RTL4: variants seen among roughly 807,000 people sequenced by gnomAD.
The protein encoded by RTL4 is retrotransposon Gag like 4.
In RTL4, 4 loss-of-function variants were observed where a neutral mutation model predicts 5.3. The ratio of observed to expected loss-of-function variants is 0.75; its 90% CI spans 0.37 to 1.72. RTL4 has a LOEUF of 1.72. RTL4 is among the 40% of genes most tolerant of loss of function. The pLI is 0.04. For synonymous variants in RTL4, 98 were observed against 87.3 expected, an observed-to-expected ratio of 1.12 and a Z score of -0.68; for missense variants, 260 against 227.1, an observed-to-expected ratio of 1.14 and a Z score of -0.93.
the RTL4 span, among the ~76,000 whole-genome samples, chrX:112,278,644 A>G: frequency 1.8e-5 from 2 of 111,657 alleles, no homozygotes; most frequent in Non-Finnish European, 3.8e-5. Flanking sequence ...TCAGTCAACA[A>G]TCCCATTCAT....
the RTL4 span, among the ~76,000 whole-genome samples, chrX:112,435,445 G>C: frequency 8.9e-6 from 1 of 112,224 alleles, no homozygotes; most frequent in Non-Finnish European, 1.9e-5. Flanking sequence ...ATCTTCTTGA[G>C]AGTTCTAAAA....
chrX:112,178,628 A>T, the RTL4 span, among the ~76,000 whole-genome samples: 1 of 111,630 alleles, frequency 9.0e-6, no homozygotes, highest in Non-Finnish European at 1.9e-5. Flanking sequence ...TCCCATCCTC[A>T]TCTCTTCTGT....
chrX:112,120,508 C>T, the RTL4 span, among the ~76,000 whole-genome samples: 1 of 109,663 alleles, frequency 9.1e-6, no homozygotes, highest in African/African-American at 3.3e-5. Flanking sequence ...GATCTCCTGA[C>T]CTCGTGATCT....
chrX:112,376,562 C>A, the RTL4 span, among the ~76,000 whole-genome samples: 1 of 112,114 alleles, frequency 8.9e-6, no homozygotes, highest in Non-Finnish European at 1.9e-5. Context: ...TCCTTTAAGA[C>A]CTTAAGGATG....
the RTL4 span, among the ~76,000 whole-genome samples, chrX:112,152,459 A>G: frequency 9.0e-6 from 1 of 111,647 alleles, no homozygotes; most frequent in Non-Finnish European, 1.9e-5. Flanking sequence ...GTTTATGTTC[A>G]CCAATGTATC....
At chrX:112,421,160 C>T in the RTL4 span, among the ~76,000 whole-genome samples, 8 of 111,220 alleles carry the variant, frequency 7.2e-5, no homozygotes, top group East Asian at 5.6e-4. Context: ...ATCACTAGCA[C>T]AGTAACTGGC....
chrX:112,113,918 G>C, the RTL4 span, among the ~76,000 whole-genome samples: 6 of 111,119 alleles, frequency 5.4e-5, no homozygotes, highest in African/African-American at 1.3e-4. Flanking sequence ...TTCCTTTTTG[G>C]CCTGTTCCTC....
the RTL4 span, among the ~76,000 whole-genome samples, chrX:112,331,327 C>T: frequency 1.9e-5 from 2 of 105,886 alleles, no homozygotes; most frequent in Non-Finnish European, 3.9e-5. Context: ...AACAAACAAC[C>T]CCATCAAAAA....
At chrX:112,231,410 A>C in the RTL4 span, among the ~76,000 whole-genome samples, 19 of 110,197 alleles carry the variant, frequency 1.7e-4, no homozygotes, top group Admixed American at 4.8e-4. Context: ...GGATGAGTTC[A>C]TGTCCTTTGT....
the RTL4 span, among the ~76,000 whole-genome samples, chrX:112,236,277 G>A: frequency 9.4e-6 from 1 of 106,430 alleles, no homozygotes; most frequent in Admixed American, 1.0e-4. Flanking sequence ...ATGAGCCCCA[G>A]TTTCCTTATT....
the RTL4 span, among the ~76,000 whole-genome samples, chrX:112,210,044 C>A: frequency 8.9e-5 from 10 of 111,953 alleles, no homozygotes; most frequent in Non-Finnish European, 1.7e-4. Flanking sequence ...GAGCAGCTTG[C>A]ACAGCAGCCT....
chrX:112,199,317 G>A, the RTL4 span, among the ~76,000 whole-genome samples: 1 of 108,407 alleles, frequency 9.2e-6, no homozygotes, highest in East Asian at 2.9e-4. Flanking sequence ...AAGACCTGAG[G>A]CAGAAAAGTG....
At chrX:112,099,941 GA>G in the RTL4 span, among the ~76,000 whole-genome samples, 6 of 111,495 alleles carry the variant, frequency 5.4e-5, no homozygotes, top group African/African-American at 2.0e-4. Context: ...GAGGCAGAAA[GA>G]AAAATGAAGG....
At chrX:112,397,338 G>A in the RTL4 span, among the ~76,000 whole-genome samples, 5 of 111,231 alleles carry the variant, frequency 4.5e-5, no homozygotes, top group Non-Finnish European at 9.4e-5. Flanking sequence ...CTATTATATC[G>A]TTTTTATTTG....
the RTL4 span, among the ~76,000 whole-genome samples, chrX:112,098,432 G>A: frequency 9.0e-6 from 1 of 111,557 alleles, no homozygotes; most frequent in African/African-American, 3.3e-5. Flanking sequence ...GTGTGCATGT[G>A]TCTTTATAGC....
At chrX:112,108,586 C>T in the RTL4 span, among the ~76,000 whole-genome samples, 5 of 111,087 alleles carry the variant, frequency 4.5e-5, no homozygotes, top group East Asian at 2.9e-4. Flanking sequence ...TGGACCTACT[C>T]GGGTAGATCT....
the RTL4 span, among the ~76,000 whole-genome samples, chrX:112,089,772 T>A: frequency 9.0e-6 from 1 of 111,609 alleles, no homozygotes; most frequent in East Asian, 2.8e-4. Context: ...GCATTTCCAT[T>A]TCTTCAAAAA....
chrX:112,260,358 A>G, the RTL4 span, among the ~76,000 whole-genome samples: 2 of 111,423 alleles, frequency 1.8e-5, no homozygotes, highest in Non-Finnish European at 3.8e-5. Flanking sequence ...GAGGCCTTTT[A>G]CTCTGCGATT....
the RTL4 span, among the ~76,000 whole-genome samples, chrX:112,382,835 GC>G: frequency 8.9e-6 from 1 of 111,859 alleles, no homozygotes; most frequent in Non-Finnish European, 1.9e-5. Flanking sequence ...CTGTTGCTAA[GC>G]CCCTACAAGT....
Sources: allele counts gnomAD v4.1 joint callset (sites outside exome capture counted in the v4.1 genomes callset), GRCh38; gene constraint gnomAD v4.1.1; transcripts MANE v1.5; gene names NCBI Gene and HGNC (gene_info 2026-07-23, HGNC 2026-07-21).